CPPED1: variants seen among roughly 807,000 people sequenced by gnomAD.
CPPED1 encodes the protein calcineurin like phosphoesterase domain containing 1, also known as serine/threonine-protein phosphatase CPPED1.
In CPPED1, 28 loss-of-function variants were observed where a neutral mutation model predicts 28.0. That is an observed-to-expected ratio of 1.00 (90% confidence interval 0.74 to 1.37). The LOEUF (loss-of-function observed/expected upper bound fraction) is 1.37. Ranked by LOEUF, CPPED1 falls within the 40% of genes most tolerant of loss-of-function variation. The pLI is 0.00. For synonymous variants in CPPED1, 198 were observed against 180.2 expected (o/e 1.10, Z -0.79); for missense variants, 504 against 416.5 (o/e 1.21, Z -1.83).
chr16:12,735,466 G>A (rs561642002), intron 2 of CPPED1, among the ~76,000 whole-genome samples: 1 of 152,296 alleles, frequency 6.6e-6, no homozygotes, highest in East Asian at 1.9e-4. Flanking sequence ...TACCGTCCCT[G>A]GCTAATTTTT....
chr16:12,662,940 G>C lies in CPPED1; in HGVS notation c.*1946C>G, dbSNP rs558261867. 1 of 152,110 alleles carries C rather than the reference G, an allele frequency of 6.6e-6. No individual in the cohort carries two copies. Among genetic ancestry groups the C allele is most frequent in the Admixed American group, 6.5e-5 (1 of 15,270 alleles). 9.4% of individuals were successfully genotyped at this position (152,110 alleles called of 1,614,324 possible). ...CCACAATTCAGAGCATTGTGCATAC[G>C]TAAGAACAGAGTGAGAGCTCCTTTT... On this transcript the variant is annotated 3_prime_UTR_variant, in exon 4 of 4. Transcript: ENST00000381774.
chr16:12,756,489 C>G (rs76756046), intron 2 of CPPED1, among the ~76,000 whole-genome samples: 2 of 152,140 alleles, frequency 1.3e-5, no homozygotes, highest in South Asian at 2.1e-4. Context: ...GAGGTCAGTT[C>G]GAGACCAGCT....
chr16:12,768,165 C>T (rs1290825552), intron 2 of CPPED1, among the ~76,000 whole-genome samples: 2 of 152,142 alleles, frequency 1.3e-5, no homozygotes, highest in Non-Finnish European at 2.9e-5. Context: ...ACTCTTAAGA[C>T]CTTTCTGTTT....
intron 2 of CPPED1, among the ~76,000 whole-genome samples, chr16:12,712,904 T>C (rs182352741): frequency 9.4e-4 from 143 of 152,310 alleles, no homozygotes; most frequent in African/African-American, 3.3e-3. Flanking sequence ...ACTTTCATTA[T>C]AGAAAAATAA....
intron 2 of CPPED1, among the ~76,000 whole-genome samples, chr16:12,718,483 G>A (rs1165083299): frequency 6.8e-6 from 1 of 146,948 alleles, no homozygotes; most frequent in East Asian, 2.0e-4. Flanking sequence ...AGGTTGTAGT[G>A]AGCCGAAATT....
intron 1 of CPPED1, among the ~76,000 whole-genome samples, chr16:12,793,376 G>C (rs1300083469): frequency 1.3e-5 from 2 of 152,130 alleles, no homozygotes; most frequent in Non-Finnish European, 2.9e-5. Context: ...CGGGAGGCGG[G>C]GATAGACCAT....
At chr16:12,767,660 C>T (rs759920030) in intron 2 of CPPED1, among the ~76,000 whole-genome samples, 17 of 152,198 alleles carry the variant, frequency 1.1e-4, no homozygotes, top group African/African-American at 1.9e-4. Flanking sequence ...AAGAAACCTA[C>T]GCCGAGAAAT....
chr16:12,724,222 G>C (rs146106037), intron 2 of CPPED1, among the ~76,000 whole-genome samples: 48 of 152,228 alleles, frequency 3.2e-4, no homozygotes, highest in African/African-American at 1.2e-3. Context: ...GTGCTAAGAC[G>C]TCCCCGAACT....
chr16:12,699,777 T>A lies in CPPED1; in HGVS notation c.715+4847A>T, dbSNP rs528216391. Among the ~76,000 whole-genome samples the A allele has an allele frequency of 4.8e-5, 7 of 147,152 alleles. No homozygotes were observed. In the East Asian group the frequency reaches 1.2e-3, roughly 26 times the overall value. ...GAGATAAATGAGACTGAGACAGTAG[T>A]AGGGAATAATATTGCCATGGGGGGA... On this transcript the variant is annotated intron_variant, in intron 3 of 3. Transcript: ENST00000381774.
At chr16:12,768,511 T>C (rs1043351366) in intron 2 of CPPED1, among the ~76,000 whole-genome samples, 9 of 152,202 alleles carry the variant, frequency 5.9e-5, no homozygotes, top group African/African-American at 2.2e-4. Flanking sequence ...GTTTCACCAT[T>C]GAGTTTATAT....
chr16:12,797,708 GA>G (rs942986220), intron 1 of CPPED1, among the ~76,000 whole-genome samples: 7 of 151,024 alleles, frequency 4.6e-5, no homozygotes, highest in African/African-American at 1.2e-4. Context: ...TGATGAGCTT[GA>G]AAAAAAAATG....
chr16:12,784,279 T>C (rs1183864486), intron 1 of CPPED1, among the ~76,000 whole-genome samples: 1 of 152,092 alleles, frequency 6.6e-6, no homozygotes, highest in Admixed American at 6.6e-5. Flanking sequence ...TGAGTCAGCT[T>C]GGAAGAGGAC....
At chr16:12,774,787 A>C (rs958699216) in intron 2 of CPPED1, among the ~76,000 whole-genome samples, 5 of 152,038 alleles carry the variant, frequency 3.3e-5, no homozygotes, top group African/African-American at 1.2e-4. Flanking sequence ...ATGGGTTATC[A>C]TGAGAGTGGG....
chr16:12,716,703 TTA>T (rs2080108787), intron 2 of CPPED1, among the ~76,000 whole-genome samples: 1 of 152,242 alleles, frequency 6.6e-6, no homozygotes, highest in Non-Finnish European at 1.5e-5. Flanking sequence ...CTGAGCAGGC[TTA>T]GTCATTACAG....
Position 12,664,959 on chromosome 16 carries a change from C to T in CPPED1, c.872G>A (p.Arg291Gln), listed in dbSNP as rs201868301. ...VVVTAEKIVH[R>Q]YYSLDELSEK... ...ACTCAGCTCATCTAGACTGTAGTAT[C>T]GGTGAACAATTTTCTCGGCGGTGAC... is the stretch of plus-strand genomic sequence containing the variant. Residue 291 changes from arginine to glutamine, a missense_variant, in exon 4 of 4, where the codon CGA becomes CAA. Arg to Gln is a conservative substitution (Grantham distance 43). Transcript: ENST00000381774. The surrounding 1 kb of genome is among the most constrained non-coding windows in gnomAD (Gnocchi z 4.2). 1.5e-4 allele frequency: 245 copies of T among 1,611,300 alleles called. 1 individual carries two copies. Among genetic ancestry groups the T allele is most frequent in the Non-Finnish European group, 1.6e-4 (183 of 1,179,088 alleles).
intron 2 of CPPED1, among the ~76,000 whole-genome samples, chr16:12,776,256 A>G (rs1450300678): frequency 6.6e-6 from 1 of 152,180 alleles, no homozygotes; most frequent in Non-Finnish European, 1.5e-5. Context: ...GGCCTCTAGA[A>G]GCTGGAACCC....
intron 3 of CPPED1, among the ~76,000 whole-genome samples, chr16:12,691,214 T>C (rs2079961079): frequency 6.6e-6 from 1 of 152,190 alleles, no homozygotes; most frequent in East Asian, 1.9e-4. Context: ...AGAGCAAGAG[T>C]CCCTGTGGTG....
At chr16:12,757,435 C>T (rs903479059) in intron 2 of CPPED1, 17 of 151,506 alleles carry the variant, frequency 1.1e-4, no homozygotes, top group African/African-American at 4.1e-4. Context: ...AAAATAAAAC[C>T]CACAAAATTG....
intron 2 of CPPED1, among the ~76,000 whole-genome samples, chr16:12,763,017 T>C (rs969331563): frequency 6.6e-6 from 1 of 151,986 alleles, no homozygotes; most frequent in East Asian, 1.9e-4. Flanking sequence ...TCACTTGAAG[T>C]TGGGAGTTCA....
Sources: allele counts gnomAD v4.1 joint callset (sites outside exome capture counted in the v4.1 genomes callset), GRCh38; gene constraint gnomAD v4.1.1; non-coding constraint Gnocchi (gnomAD v3.1); transcripts MANE v1.5; gene names NCBI Gene and HGNC (gene_info 2026-07-23, HGNC 2026-07-21).